The following BCL2L1 variants were observed in gnomAD, a reference collection of about 807,000 sequenced individuals.
BCL2L1 encodes the protein BCL2 like 1.
A neutral mutation model predicts 18.7 loss-of-function variants in BCL2L1; 1 was observed. That is an observed-to-expected ratio of 0.05 (90% CI 0.02 to 0.25). The LOEUF (loss-of-function observed/expected upper bound fraction) is 0.25. BCL2L1 is among the 10% of genes least tolerant of loss of function. BCL2L1 has a pLI of 1.00. For synonymous variants in BCL2L1, 103 were observed against 122.7 expected, an observed-to-expected ratio of 0.84 and a Z score of 1.06; for missense variants, 207 against 304.9, an observed-to-expected ratio of 0.68 and a Z score of 2.39.
At chr20:31,683,135 G>A (rs989838385) in intron 2 of BCL2L1, among the ~76,000 whole-genome samples, 2 of 152,118 alleles carry the variant, frequency 1.3e-5, no homozygotes, top group African/African-American at 4.8e-5. Context: ...CTCACCCAGA[G>A]GAAGAACCAA....
intron 2 of BCL2L1, among the ~76,000 whole-genome samples, chr20:31,698,338 G>A (rs2061217409): frequency 6.6e-6 from 1 of 152,100 alleles, no homozygotes; most frequent in African/African-American, 2.4e-5. Context: ...GAACTCCCAG[G>A]CTCAAGTGAT....
chr20:31,675,521 G>A (rs2060745096), intron 2 of BCL2L1, among the ~76,000 whole-genome samples: 1 of 152,220 alleles, frequency 6.6e-6, no homozygotes. Flanking sequence ...TGAGGTTTGT[G>A]GTTGGAATCC....
chr20:31,668,062 C>G (rs2060613058), intron 2 of BCL2L1, among the ~76,000 whole-genome samples: 1 of 152,132 alleles, frequency 6.6e-6, no homozygotes, highest in Admixed American at 6.5e-5. Flanking sequence ...CCTCCCCACC[C>G]CTGTCCCCTG....
chr20:31,718,180 G>A (rs954583523), intron 2 of BCL2L1, among the ~76,000 whole-genome samples: 6 of 152,112 alleles, frequency 3.9e-5, no homozygotes, highest in Admixed American at 1.3e-4. Context: ...CAAGACAGCC[G>A]AACAGGTTCA....
chr20:31,694,212 G>A (rs73903637), intron 2 of BCL2L1, among the ~76,000 whole-genome samples: 3,623 of 152,250 alleles, frequency 0.024, 145 homozygotes, highest in African/African-American at 0.082. Flanking sequence ...ATACATGTGA[G>A]AGGCTGGGCC....
intron 2 of BCL2L1, among the ~76,000 whole-genome samples, chr20:31,703,475 G>A (rs1461650854): frequency 6.7e-6 from 1 of 148,674 alleles, no homozygotes; most frequent in African/African-American, 2.5e-5. Flanking sequence ...CACCATGCCT[G>A]GCCTAAACTT....
At chr20:31,711,690 A>G (rs1233669158) in intron 2 of BCL2L1, among the ~76,000 whole-genome samples, 2 of 152,242 alleles carry the variant, frequency 1.3e-5, no homozygotes, top group African/African-American at 4.8e-5. Flanking sequence ...ATACTGTGTT[A>G]AAAGCCAGAA....
At chr20:31,667,117 G>A (rs1403136658) in intron 2 of BCL2L1, among the ~76,000 whole-genome samples, 1 of 152,194 alleles carries the variant, frequency 6.6e-6, no homozygotes, top group Non-Finnish European at 1.5e-5. Context: ...TGTCAGTGGT[G>A]GAGCCAGAAT....
intron 2 of BCL2L1, among the ~76,000 whole-genome samples, chr20:31,705,740 G>A (rs1245132973): frequency 2.6e-5 from 4 of 152,138 alleles, no homozygotes; most frequent in Admixed American, 2.0e-4. Flanking sequence ...CCTCACTGGG[G>A]CTTGGGATAC....
intron 2 of BCL2L1, among the ~76,000 whole-genome samples, chr20:31,698,388 A>G (rs6060775): frequency 0.5 from 75,638 of 151,924 alleles, 21,818 homozygotes; most frequent in African/African-American, 0.78. Context: ...GATTATTGGC[A>G]TGTGCCACCA....
At chr20:31,719,789 C>T (rs1051534334) in intron 2 of BCL2L1, among the ~76,000 whole-genome samples, 1 of 152,204 alleles carries the variant, frequency 6.6e-6, no homozygotes, top group African/African-American at 2.4e-5. Flanking sequence ...CCAGGCACCT[C>T]TCCCAGACTG....
chr20:31,676,637 G>A (rs905553627), intron 2 of BCL2L1, among the ~76,000 whole-genome samples: 4 of 152,014 alleles, frequency 2.6e-5, no homozygotes, highest in Non-Finnish European at 5.9e-5. Flanking sequence ...GAACAGAGTC[G>A]GAGACTCCAG....
At chr20:31,688,204 T>C (rs2060994331) in intron 2 of BCL2L1, among the ~76,000 whole-genome samples, 1 of 152,014 alleles carries the variant, frequency 6.6e-6, no homozygotes, top group African/African-American at 2.4e-5. Flanking sequence ...AGCAATTTGA[T>C]AGGCTGAGGT....
intron 2 of BCL2L1, among the ~76,000 whole-genome samples, chr20:31,694,607 A>G (rs2061137185): frequency 6.6e-6 from 1 of 152,096 alleles, no homozygotes; most frequent in African/African-American, 2.4e-5. Context: ...TCTTCCAACA[A>G]TAGTAATAAG....
chr20:31,721,781 G>A lies in BCL2L1; in HGVS notation c.438C>T (p.Phe146=), dbSNP rs145707771. The stretch of plus-strand genomic sequence containing the variant: ...CGCTTTCCACGCACAGTGCCCCGCC[G>A]AAGGAGAAAAAGGCCACAATGCGAC... The part of the protein sequence containing the change: ...NWGRIVAFFS[F]GGALCVESVD... Residue 146 remains phenylalanine (F), a synonymous_variant, in exon 2 of 3, where the codon TTC becomes TTT. Transcript: ENST00000307677. 2.7e-5 allele frequency: 43 copies of A among 1,613,974 alleles called. No homozygotes were observed. Among genetic ancestry groups the A allele is most frequent in the Non-Finnish European group, 3.2e-5 (38 of 1,180,022 alleles).
At chr20:31,680,110 CA>C (rs1234199213) in intron 2 of BCL2L1, among the ~76,000 whole-genome samples, 2 of 152,170 alleles carry the variant, frequency 1.3e-5, no homozygotes, top group African/African-American at 4.8e-5. Flanking sequence ...TTTGAATTCT[CA>C]AAATCTTGCA....
chr20:31,685,070 A>G (rs1291957085), intron 2 of BCL2L1, among the ~76,000 whole-genome samples: 1 of 152,202 alleles, frequency 6.6e-6, no homozygotes, highest in East Asian at 1.9e-4. Context: ...AAGGTCCTCC[A>G]TTAAAGCTTT....
Position 31,664,570 on chromosome 20 carries a change from C to G in BCL2L1, c.*1379G>C, listed in dbSNP as rs929055673. Reference sequence around the variant, plus strand: ...GGTTGGGGGAGGGGCAGATGCCCCTCAGGAGCCAGGACCCTCGGCCAGCTT... The same window carrying G: ...GGTTGGGGGAGGGGCAGATGCCCCTGAGGAGCCAGGACCCTCGGCCAGCTT... On this transcript the variant is annotated 3_prime_UTR_variant, in exon 3 of 3. Coordinates refer to ENST00000307677, the MANE Select transcript of BCL2L1 (RefSeq NM_138578.3). 1 of 202,054 alleles carries G rather than the reference C, an allele frequency of 4.9e-6. No individual in the cohort carries two copies. Among genetic ancestry groups the G allele is most frequent in the South Asian group, 1.9e-4 (1 of 5,250 alleles). The allele number at this position is 202,054 out of a possible 1,614,324, so 12.5% of individuals were successfully genotyped here. A position where few individuals can be genotyped will look rare whatever the true frequency, so the allele number is the denominator to read the frequency against.
intron 2 of BCL2L1, among the ~76,000 whole-genome samples, chr20:31,684,362 C>A (rs1330186147): frequency 1.3e-5 from 2 of 152,182 alleles, no homozygotes; most frequent in African/African-American, 4.8e-5. Flanking sequence ...CAGGCACGTA[C>A]AAACCTGTAA....
Sources: gnomAD v4.1 joint callset for allele counts (sites outside exome capture counted in the v4.1 genomes callset) on GRCh38, gnomAD v4.1.1 for gene constraint, MANE v1.5 for transcripts, NCBI Gene and HGNC (gene_info 2026-07-23, HGNC 2026-07-21) for gene names.